The following BIRC6 variants were observed in gnomAD, a reference collection of about 807,000 sequenced individuals.
BIRC6 encodes the protein dual E2 ubiquitin-conjugating enzyme/E3 ubiquitin-protein ligase BIRC6.
BIRC6 carries 98 observed loss-of-function variants against 503.3 expected under a neutral mutation model. The ratio of observed to expected loss-of-function variants is 0.19; its 90% CI spans 0.17 to 0.23. The LOEUF (loss-of-function observed/expected upper bound fraction) is 0.23. Among genes scored for constraint, BIRC6 ranks in the 10% least tolerant of loss-of-function variants. The probability of loss-of-function intolerance (pLI) is 1.00; values close to 1 mark genes in which losing one functional copy is unlikely to be tolerated. For synonymous variants in BIRC6, 2,240 were observed against 2,078.7 expected (o/e 1.08, Z -2.11); for missense variants, 5,360 against 5,806.0 (o/e 0.92, Z 2.50).
intron 1 of BIRC6, among the ~76,000 whole-genome samples, chr2:32,372,136 A>T (rs913231774): frequency 3.3e-5 from 5 of 152,160 alleles, no homozygotes; most frequent in Admixed American, 1.3e-4. Flanking sequence ...TCATTTAAAA[A>T]TTTTTATTTT....
intron 37 of BIRC6, among the ~76,000 whole-genome samples, chr2:32,479,888 A>G (rs1202458342): frequency 6.6e-6 from 1 of 152,198 alleles, no homozygotes; most frequent in East Asian, 1.9e-4. Flanking sequence ...GTAAAAATAC[A>G]AAGTGATGAA....
At chr2:32,381,383 G>A (rs1190348978) in intron 3 of BIRC6, among the ~76,000 whole-genome samples, 1 of 152,034 alleles carries the variant, frequency 6.6e-6, no homozygotes, top group Non-Finnish European at 1.5e-5. Context: ...GGGATTACAG[G>A]CGTGCGCCAC....
chr2:32,448,966 G>A, intron 22 of BIRC6, 38 bp downstream of exon 22: 1 of 1,581,980 alleles, frequency 6.3e-7, no homozygotes. Context: ...TCTGAATGTT[G>A]TATCTTGGAT....
chr2:32,481,199 G>T lies in BIRC6; in HGVS notation c.7409-121G>T. The stretch of plus-strand genomic sequence containing the variant: ...GGAGCGAAATGTTTGCATACATAGA[G>T]TTTTTTTTTTTAGGCATATGTAACA... On this transcript the variant is annotated intron_variant, in intron 37 of 73. Transcript: ENST00000421745. The T allele has an allele frequency of 2.2e-5, 15 of 690,150 alleles. No individual in the cohort carries two copies. In the South Asian group the frequency reaches 5.0e-4, roughly 23 times the overall value. 42.8% of individuals were successfully genotyped at this position (690,150 alleles called of 1,614,324 possible).
chr2:32,384,461 A>T (rs999313961), intron 3 of BIRC6, among the ~76,000 whole-genome samples: 1 of 152,040 alleles, frequency 6.6e-6, no homozygotes, highest in Non-Finnish European at 1.5e-5. Flanking sequence ...GTCAGTCCAC[A>T]GGCAATGGAC....
At chr2:32,446,474 A>G (rs1006438267) in intron 21 of BIRC6, among the ~76,000 whole-genome samples, 3 of 152,094 alleles carry the variant, frequency 2.0e-5, no homozygotes, top group African/African-American at 7.2e-5. Flanking sequence ...ATAATTTCCT[A>G]GGTTAGATGT....
intron 9 of BIRC6, among the ~76,000 whole-genome samples, chr2:32,410,675 A>G (rs763248106): frequency 6.6e-6 from 1 of 151,830 alleles, no homozygotes; most frequent in Non-Finnish European, 1.5e-5. Flanking sequence ...CATGAATCTC[A>G]GTTGCTTATT....
rs764985700 is a variant in BIRC6 at position 32,545,869 on chromosome 2, A to T, written c.12810+9A>T. On this transcript the variant is annotated intron_variant, in intron 63 of 73. Coordinates refer to ENST00000421745, the MANE Select transcript of BIRC6 (RefSeq NM_016252.4). Reference sequence around the variant, plus strand: ...GCGTGAATCAAACTGAGGTAGGTTCACTTTTAATTATTTCAGTTATTAAAA... The same window carrying T: ...GCGTGAATCAAACTGAGGTAGGTTCTCTTTTAATTATTTCAGTTATTAAAA... 5.0e-6 allele frequency: 8 copies of T among 1,604,428 alleles called. No homozygotes were observed. The South Asian group carries it at 8.8e-5, about 18-fold the overall frequency.
intron 44 of BIRC6, 108 bp downstream of exon 44, chr2:32,491,666 T>G: frequency 8.8e-7 from 1 of 1,133,662 alleles, no homozygotes; most frequent in East Asian, 2.5e-5. Flanking sequence ...AATAGCCTTT[T>G]ATGTATCAAT....
rs758887947 is a variant in BIRC6, at chr2:32,415,686, A to G, written c.2395A>G (p.Ile799Val). The G allele has an allele frequency of 6.2e-7, 1 of 1,613,922 alleles. No individual in the cohort carries two copies. Among genetic ancestry groups the G allele is most frequent in the African/African-American group, 1.3e-5 (1 of 75,060 alleles). Reference sequence around the variant, plus strand: ...AGTGAATGGTGCAAATATTAGTGTAATCCAACATGAATCACCAGCAGATGT... The same window carrying G: ...AGTGAATGGTGCAAATATTAGTGTAGTCCAACATGAATCACCAGCAGATGT... The part of the protein sequence containing the change: ...AVVNGANISV[I>V]QHESPADVQT... Residue 799 changes from isoleucine to valine, a missense_variant, in exon 10 of 74, where the codon ATC (isoleucine) becomes GTC (valine). By Grantham distance (29) the Ile-to-Val change is conservative. This residue lies in a region of BIRC6 where 700 missense variants were observed against 739.3 expected (regional missense o/e 0.95). Transcript: ENST00000421745.
At chr2:32,517,200 G>T (rs76821919) in intron 55 of BIRC6, among the ~76,000 whole-genome samples, 2 of 152,138 alleles carry the variant, frequency 1.3e-5, no homozygotes, top group East Asian at 3.9e-4. Context: ...AATTAGCCGG[G>T]CATGGTGATA....
At chr2:32,584,518 A>G (rs2060898511) in intron 66 of BIRC6, among the ~76,000 whole-genome samples, 1 of 152,146 alleles carries the variant, frequency 6.6e-6, no homozygotes, top group African/African-American at 2.4e-5. Flanking sequence ...GGGCTACAGA[A>G]TGATACTCCG....
intron 15 of BIRC6, among the ~76,000 whole-genome samples, chr2:32,438,888 C>T (rs1177097168): frequency 6.6e-6 from 1 of 152,128 alleles, no homozygotes; most frequent in African/African-American, 2.4e-5. Flanking sequence ...GTGCCAAGCA[C>T]AGTTAACAGT....
intron 8 of BIRC6, among the ~76,000 whole-genome samples, chr2:32,402,707 T>C (rs1229677912): frequency 6.6e-6 from 1 of 152,204 alleles, no homozygotes; most frequent in Non-Finnish European, 1.5e-5. Flanking sequence ...TCTGACCATA[T>C]TTTGCCAATA....
At chr2:32,422,779 G>A (rs1386321256) in intron 10 of BIRC6, among the ~76,000 whole-genome samples, 1 of 152,042 alleles carries the variant, frequency 6.6e-6, no homozygotes, top group Non-Finnish European at 1.5e-5. Flanking sequence ...TGCATGCCTT[G>A]TAGATCATTT....
intron 57 of BIRC6, chr2:32,522,932 A>C (rs1359761940): frequency 6.6e-6 from 1 of 152,168 alleles, no homozygotes; most frequent in African/African-American, 2.4e-5. Context: ...TTACATCCTC[A>C]GTCTAGGGTG....
At chr2:32,412,544 T>C (rs1329284374) in intron 9 of BIRC6, among the ~76,000 whole-genome samples, 3 of 151,814 alleles carry the variant, frequency 2.0e-5, no homozygotes, top group Non-Finnish European at 4.4e-5. Context: ...TAAGATGATA[T>C]AATGTAATGT....
chr2:32,611,589 A>G lies in BIRC6; in HGVS notation c.14394+7A>G. 1.9e-6 allele frequency: 3 copies of G among 1,554,092 alleles called. No individual in the cohort carries two copies. Among genetic ancestry groups the G allele is most frequent in the Non-Finnish European group, 2.6e-6 (3 of 1,146,200 alleles). On this transcript the variant is annotated splice_region_variant and intron_variant, in intron 73 of 73. Transcript: ENST00000421745. ...CCATGCAGCAGCTCTCAAGGTGAGT[A>G]AGCCTCTCTAACAGGAGCCTTGTTG...
At chr2:32,546,666 G>GTTAAT (rs2058071977) in intron 63 of BIRC6, among the ~76,000 whole-genome samples, 1 of 152,006 alleles carries the variant, frequency 6.6e-6, no homozygotes. Context: ...ATAAAAATTA[G>GTTAAT]TTAATTTCTA....
Sources: gnomAD v4.1 joint callset for allele counts (sites outside exome capture counted in the v4.1 genomes callset) on GRCh38, gnomAD v4.1.1 for gene constraint, gnomAD v4.1.1 regional missense constraint, MANE v1.5 for transcripts, NCBI Gene and HGNC (gene_info 2026-07-23, HGNC 2026-07-21) for gene names.